The following GPX1 variants were observed in gnomAD, a reference collection of about 807,000 sequenced individuals.
GPX1 encodes the protein GSHPx-1.
In GPX1, 8 loss-of-function variants were observed where a neutral mutation model predicts 11.5. That is an observed-to-expected ratio of 0.70 (90% CI 0.41 to 1.25). The LOEUF is 1.25. Among genes scored for constraint, GPX1 ranks in the 50% most tolerant of loss-of-function variants. The pLI, the probability that GPX1 is intolerant of heterozygous loss-of-function variation, is 0.01. For synonymous variants in GPX1, 142 were observed against 127.8 expected (o/e 1.11, Z -0.75); for missense variants, 266 against 284.3 (o/e 0.94, Z 0.46).
rs1254451897 is a variant in GPX1 at position 49,357,731 on chromosome 3, TCGTTCTTGG to T, written c.260_268del (p.Ala87_Asn89del). The T allele has an allele frequency of 6.2e-7, 1 of 1,606,682 alleles. No homozygotes were observed. On this transcript the variant is annotated inframe_deletion, in exon 2 of 2. Transcript: ENST00000419783. The stretch of plus-strand genomic sequence containing the variant: ...GTACTTGAGGGAATTCAGAATCTCT[TCGTTCTTGG>T]CGTTCTCCTACAGGAGAGAAGGGCA...
intron 1 of GPX1, 42 bp downstream of exon 1, chr3:49,357,985 C>G: frequency 1.3e-6 from 2 of 1,533,418 alleles, no homozygotes; most frequent in Non-Finnish European, 8.9e-7. Context: ...CCAGCCACTA[C>G]TGCACGTCCG....
chr3:49,357,886 CA>C (rs2047871343), intron 1 of GPX1, 139 bp from the exon 2 acceptor site: 1 of 1,512,126 alleles, frequency 6.6e-7, no homozygotes, highest in African/African-American at 1.4e-5. Flanking sequence ...GGAATTTCAG[CA>C]GCTACGAGCA....
rs1186420821 is a variant in GPX1, at chr3:49,357,507, C to T, written c.493G>A (p.Glu165Lys). 3 of 1,613,776 alleles carry T rather than the reference C, an allele frequency of 1.9e-6. No homozygotes were observed. The highest frequency in any genetic ancestry group is 4.5e-5 in the East Asian group (2 of 44,866). Residue 165 changes from glutamate to lysine, a missense_variant, in exon 2 of 2, where the codon GAG becomes AAG. Physicochemically the swap from Glu to Lys is moderately conservative, Grantham distance 56 (BLOSUM62 1). Coordinates refer to ENST00000419783, the MANE Select transcript of GPX1 (RefSeq NM_000581.4). ...CCGTCAGGGCCCACCAGGAACTTCT[C>T]AAAGTTCCAGGCAACATCGTTGCGA... is the stretch of plus-strand genomic sequence containing the variant. ...VCRNDVAWNF[E>K]KFLVGPDGVP...
At position 49,357,787 on chromosome 3, in the gene GPX1, G is replaced by A. The variant is rs374248470; in HGVS notation, c.253-40C>T. ...GGCAGCTAGAACCCGGGGTCAAGAG[G>A]AGGAGAGAAACGTTCTAACCACAAA... On this transcript the variant is annotated intron_variant, in intron 1 of 1. Transcript: ENST00000419783. The A allele has an allele frequency of 1.3e-4, 198 of 1,575,684 alleles. No individual in the cohort carries two copies. In the African/African-American group the frequency reaches 2.1e-3, roughly 17 times the overall value.
Position 49,357,287 on chromosome 3 carries a change from T to G in GPX1, c.*101A>C, listed in dbSNP as rs1050569. On this transcript the variant is annotated 3_prime_UTR_variant, in exon 2 of 2. Coordinates refer to ENST00000419783, the MANE Select transcript of GPX1 (RefSeq NM_000581.4). ...AGGTGGTATTTTCTGTAAGATCAGG[T>G]GTTCCTCCCTCGTAGGTTTAGAGGA... The G allele has an allele frequency of 8.8e-7, 1 of 1,130,364 alleles. No individual in the cohort carries two copies. Among genetic ancestry groups the G allele is most frequent in the Non-Finnish European group, 1.3e-6 (1 of 784,168 alleles). 70.0% of individuals were successfully genotyped at this position (1,130,364 alleles called of 1,614,324 possible). A position where few individuals can be genotyped will look rare whatever the true frequency, so the allele number is the denominator to read the frequency against.
Position 49,357,738 on chromosome 3 carries a change from T to C in GPX1, c.262A>G (p.Lys88Glu), listed in dbSNP as rs371832457. Residue 88 changes from lysine (K) to glutamate (E), a missense_variant, in exon 2 of 2, where the codon AAG (lysine) becomes GAG (glutamate). By Grantham distance (56) the Lys-to-Glu change is moderately conservative. Transcript: ENST00000419783. The part of the protein sequence containing the change: ...CNQFGHQENA[K>E]NEEILNSLKY... Reference sequence around the variant, plus strand: ...AGGGAATTCAGAATCTCTTCGTTCTTGGCGTTCTCCTACAGGAGAGAAGGG... The same window carrying C: ...AGGGAATTCAGAATCTCTTCGTTCTCGGCGTTCTCCTACAGGAGAGAAGGG... 14 of 1,605,220 alleles carry C rather than the reference T, an allele frequency of 8.7e-6. No homozygotes were observed. The highest frequency in any genetic ancestry group is 1.2e-5 in the Non-Finnish European group (14 of 1,173,598).
At chr3:49,357,911 G>GA in intron 1 of GPX1, 116 bp downstream of exon 1, 1 of 1,501,486 alleles carries the variant, frequency 6.7e-7, no homozygotes, top group Admixed American at 2.3e-5. Context: ...GAAAGGAAAC[G>GA]AGAGAGTAGC....
rs547737198 is a variant in GPX1, at chr3:49,358,150, C to G, written c.129G>C (p.Glu43Asp). 6.2e-7 allele frequency: 1 copy of G among 1,605,364 alleles called. No individual in the cohort carries two copies. The highest frequency in any genetic ancestry group is 1.7e-5 in the Admixed American group (1 of 59,022). Residue 43 changes from glutamate to aspartate, a missense_variant, in exon 1 of 2, where the codon GAG becomes GAC. Coordinates refer to ENST00000419783, the MANE Select transcript of GPX1 (RefSeq NM_000581.4). ...TGGTGCCTCAGAGGGACGCCACATT[C>G]TCGATAAGTAGTACCTTGCCCCGCA... ...GSLRGKVLLI[E>D]NVASLUGTTV...
At position 49,357,511 on chromosome 3, in the gene GPX1, G is replaced by A. The variant is rs775305533; in HGVS notation, c.489C>T (p.Asn163=). The A allele has an allele frequency of 3.7e-6, 6 of 1,613,810 alleles. No individual in the cohort carries two copies. The highest frequency in any genetic ancestry group is 5.1e-6 in the Non-Finnish European group (6 of 1,179,862). The part of the protein sequence containing the change: ...SPVCRNDVAW[N]FEKFLVGPDG... ...CAGGGCCCACCAGGAACTTCTCAAA[G>A]TTCCAGGCAACATCGTTGCGACACA... Residue 163 remains asparagine (N), a synonymous_variant, in exon 2 of 2, where the codon AAC becomes AAT. Coordinates refer to ENST00000419783, the MANE Select transcript of GPX1 (RefSeq NM_000581.4).
At chr3:49,357,951 C>G (rs747317480) in intron 1 of GPX1, 76 bp downstream of exon 1, 1 of 1,515,272 alleles carries the variant, frequency 6.6e-7, no homozygotes, top group Non-Finnish European at 8.9e-7. Flanking sequence ...GCCGACGGCA[C>G]CCACCAGCAC....
Position 49,358,240 on chromosome 3 carries a change from G to GGCCGCCGCC in GPX1, c.30_38dup (p.Ala11_Ala13dup), listed in dbSNP as rs17838762. The GGCCGCCGCC allele has an allele frequency of 2.6e-6, 4 of 1,535,984 alleles. No individual in the cohort carries two copies. Among genetic ancestry groups the GGCCGCCGCC allele is most frequent in the Non-Finnish European group, 2.6e-6 (3 of 1,140,982 alleles). ...GCGCCGAGAAGGCATACACCGACTG[G>GGCCGCCGCC]GCCGCCGCCGCCGCCGCCGCTAGCC... On this transcript the variant is annotated inframe_insertion, in exon 1 of 2. Coordinates refer to ENST00000419783, the MANE Select transcript of GPX1 (RefSeq NM_000581.4).
Position 49,357,211 on chromosome 3 carries a change from C to T in GPX1, c.*177G>A. 3.2e-6 allele frequency: 2 copies of T among 620,818 alleles called. No homozygotes were observed. The highest frequency in any genetic ancestry group is 2.1e-5 in the South Asian group (1 of 48,180). The allele number at this position is 620,818 out of a possible 1,614,324, so 38.5% of individuals were successfully genotyped here. On this transcript the variant is annotated 3_prime_UTR_variant, in exon 2 of 2. Transcript: ENST00000419783. ...ACCCGGCACTTTATTAGTGGGGAAA[C>T]TCGCCTTGGTCTGGCAGAGACTGGG...
Position 49,357,748 on chromosome 3 carries a change from C to G in GPX1, c.253-1G>C, listed in dbSNP as rs1057133505. 5 of 1,599,694 alleles carry G rather than the reference C, an allele frequency of 3.1e-6. No individual in the cohort carries two copies. In the African/African-American group the frequency reaches 6.7e-5, roughly 21 times the overall value. On this transcript the variant is annotated splice_acceptor_variant, in intron 1 of 1. Transcript: ENST00000419783. LOFTEE classifies it high-confidence loss of function. ...GAATCTCTTCGTTCTTGGCGTTCTC[C>G]TACAGGAGAGAAGGGCAGCTAGAAC...
Position 49,357,265 on chromosome 3 carries a change from T to C in GPX1, c.*123A>G. ...AACAGGACCAGCACCCATCTCGAGG[T>C]GGTATTTTCTGTAAGATCAGGTGTT... is the stretch of plus-strand genomic sequence containing the variant. On this transcript the variant is annotated 3_prime_UTR_variant, in exon 2 of 2. Transcript: ENST00000419783. 1 of 942,962 alleles carries C rather than the reference T, an allele frequency of 1.1e-6. No individual in the cohort carries two copies. The highest frequency in any genetic ancestry group is 1.7e-5 in the South Asian group (1 of 60,218). 58.4% of individuals were successfully genotyped at this position (942,962 alleles called of 1,614,324 possible). A position where few individuals can be genotyped will look rare whatever the true frequency, so the allele number is the denominator to read the frequency against.
rs1194789699 is a variant in GPX1 at position 49,357,490 on chromosome 3, G to A, written c.510C>T (p.Gly170=). 1.2e-6 allele frequency: 2 copies of A among 1,613,500 alleles called. No homozygotes were observed. The highest frequency in any genetic ancestry group is 1.7e-6 in the Non-Finnish European group (2 of 1,179,834). ...VAWNFEKFLV[G]PDGVPLRRYS... ...ACCTGCGTAGGGGCACACCGTCAGGGCCCACCAGGAACTTCTCAAAGTTCC... is the reference window on the plus strand; with the variant it reads ...ACCTGCGTAGGGGCACACCGTCAGGACCCACCAGGAACTTCTCAAAGTTCC... The change falls in exon 2 of 2, where the codon GGC becomes GGT. Residue 170 remains glycine, a synonymous_variant. Transcript: ENST00000419783.
In GPX1 at chr3:49,358,117, C is replaced by T; in HGVS notation, c.162G>A (p.Arg54=). The part of the protein sequence containing the change: ...NVASLUGTTV[R]DYTQMNELQR... ...GCAGCTCGTTCATCTGGGTGTAGTC[C>T]CGGACCGTGGTGCCTCAGAGGGACG... Residue 54 remains arginine, a synonymous_variant, in exon 1 of 2, where the codon CGG becomes CGA. Transcript: ENST00000419783. 1.9e-6 allele frequency: 3 copies of T among 1,610,694 alleles called. No individual in the cohort carries two copies. The highest frequency in any genetic ancestry group is 2.5e-6 in the Non-Finnish European group (3 of 1,179,404).
chr3:49,357,462 T>C lies in GPX1; in HGVS notation c.538A>G (p.Ser180Gly). Residue 180 changes from serine to glycine, a missense_variant, in exon 2 of 2, where the codon AGC becomes GGC. Coordinates refer to ENST00000419783, the MANE Select transcript of GPX1 (RefSeq NM_000581.4). The part of the protein sequence containing the change: ...GPDGVPLRRY[S>G]RRFQTIDIEP... The stretch of plus-strand genomic sequence containing the variant: ...ATGTCAATGGTCTGGAAGCGGCGGC[T>C]GTACCTGCGTAGGGGCACACCGTCA... The C allele has an allele frequency of 6.2e-7, 1 of 1,613,178 alleles. No individual in the cohort carries two copies. The highest frequency in any genetic ancestry group is 8.5e-7 in the Non-Finnish European group (1 of 1,179,824).
In GPX1 at chr3:49,358,161, G is replaced by C. The variant is rs1361086246; in HGVS notation, c.118C>G (p.Leu40Val). ...VSLGSLRGKV[L>V]LIENVASLUG... ...AGGGACGCCACATTCTCGATAAGTA[G>C]TACCTTGCCCCGCAGGGAGCCCAGG... Residue 40 changes from leucine to valine, a missense_variant, in exon 1 of 2, where the codon CTA (leucine) becomes GTA (valine). Coordinates refer to ENST00000419783, the MANE Select transcript of GPX1 (RefSeq NM_000581.4). 2 of 1,596,754 alleles carry C rather than the reference G, an allele frequency of 1.3e-6. No individual in the cohort carries two copies. The highest frequency in any genetic ancestry group is 1.3e-5 in the African/African-American group (1 of 74,674).
rs550207746 is a variant in GPX1 at position 49,357,391 on chromosome 3, G to A, written c.609C>T (p.Ala203=). The A allele has an allele frequency of 2.5e-6, 4 of 1,604,428 alleles. No homozygotes were observed. The highest frequency in any genetic ancestry group is 2.2e-5 in the South Asian group (2 of 90,952). Reference sequence around the variant, plus strand: ...CAGCCGGGGTAGGAGGGGCGCCCTAGGCACAGCTGGGCCCTTGAGACAGCA... The same window carrying A: ...CAGCCGGGGTAGGAGGGGCGCCCTAAGCACAGCTGGGCCCTTGAGACAGCA... ...EALLSQGPSC[A] The change falls in exon 2 of 2, where the codon GCC becomes GCT. Residue 203 remains alanine, a synonymous_variant. Coordinates refer to ENST00000419783, the MANE Select transcript of GPX1 (RefSeq NM_000581.4).
Sources: gnomAD v4.1 joint callset for allele counts on GRCh38, gnomAD v4.1.1 for gene constraint, MANE v1.5 for transcripts, NCBI Gene and HGNC (gene_info 2026-07-23, HGNC 2026-07-21) for gene names.